COL6A3: variants seen among roughly 807,000 people sequenced by gnomAD.
COL6A3 encodes collagen alpha-3(VI) chain.
COL6A3 carries 137 observed loss-of-function variants against 274.1 expected under a neutral mutation model. That is an observed-to-expected ratio of 0.50 (90% CI 0.44 to 0.58). The LOEUF is 0.58. COL6A3 is among the 20% of genes least tolerant of loss of function. The probability of loss-of-function intolerance (pLI) is 0.00; values close to 1 mark genes in which losing one functional copy is unlikely to be tolerated. For missense variants in COL6A3, 3,950 were observed against 4,124.9 expected (o/e 0.96, Z 1.16); for synonymous variants, 1,650 against 1,650.6 (o/e 1.00, Z 0.01).
At chr2:237,387,475 T>C (rs1574738696) in intron 4 of COL6A3, 107 bp downstream of exon 4, 1 of 1,544,360 alleles carries the variant, frequency 6.5e-7, no homozygotes, top group Non-Finnish European at 8.9e-7. Context: ...CTGTGGGTAC[T>C]TACAGCTTCT....
At chr2:237,356,532 G>A (rs1324571578) in intron 23 of COL6A3, among the ~76,000 whole-genome samples, 7 of 152,056 alleles carry the variant, frequency 4.6e-5, no homozygotes, top group African/African-American at 7.2e-5. Context: ...CCCAAGTGCC[G>A]GGCCGAACGA....
intron 8 of COL6A3, among the ~76,000 whole-genome samples, chr2:237,372,776 T>C (rs2077726781): frequency 6.6e-6 from 1 of 152,020 alleles, no homozygotes; most frequent in Non-Finnish European, 1.5e-5. Flanking sequence ...CTTTAGAGTA[T>C]AGATAAGTCT....
At chr2:237,341,254 A>G in intron 37 of COL6A3, 104 bp from the exon 38 acceptor site, 2 of 1,208,876 alleles carry the variant, frequency 1.7e-6, no homozygotes, top group Non-Finnish European at 2.4e-6. Flanking sequence ...ATCACATAAG[A>G]TCAAAAGCGG....
intron 8 of COL6A3, among the ~76,000 whole-genome samples, chr2:237,373,011 G>T (rs770989722): frequency 9.2e-5 from 14 of 152,156 alleles, no homozygotes; most frequent in Non-Finnish European, 1.6e-4. Context: ...TGACGTGGCC[G>T]GGGACAGCTC....
rs1411767136 is a variant in COL6A3, at chr2:237,344,546, A to G, written c.7472T>C (p.Met2491Thr). The G allele has an allele frequency of 1.2e-6, 2 of 1,614,012 alleles. No individual in the cohort carries two copies. ...AAATGTGTTCCTGGCCACAAACGAC[A>G]TGGCAGTCTCCAGACTCTGCTGTTT... ...TSKQQSLETA[M>T]SFVARNTFKR... Residue 2491 changes from methionine (M) to threonine (T), a missense_variant, in exon 36 of 44, where the codon ATG becomes ACG. This residue lies in a region of COL6A3 where 1,284 missense variants were observed against 1,349.7 expected (regional missense o/e 0.95). Coordinates refer to ENST00000295550, the MANE Select transcript of COL6A3 (RefSeq NM_004369.4). This position sits in a 1 kb window ranked among gnomAD's most constrained non-coding sequence, Gnocchi z 4.8.
chr2:237,351,277 G>A (rs2077201304), intron 26 of COL6A3, 85 bp from the exon 27 acceptor site: 1 of 1,316,170 alleles, frequency 7.6e-7, no homozygotes, highest in South Asian at 1.2e-5. Flanking sequence ...TCCCCTGCAT[G>A]GAAGTCAGAG....
intron 3 of COL6A3, among the ~76,000 whole-genome samples, chr2:237,391,021 C>CG (rs2106382698): frequency 6.6e-6 from 1 of 152,196 alleles, no homozygotes; most frequent in African/African-American, 2.4e-5. Flanking sequence ...GTTTTATAAT[C>CG]AAGAACACTC....
intron 3 of COL6A3, among the ~76,000 whole-genome samples, chr2:237,392,126 G>T (rs1177879435): frequency 6.6e-6 from 1 of 152,196 alleles, no homozygotes; most frequent in African/African-American, 2.4e-5. Flanking sequence ...CCACAGGTAA[G>T]GGCATCAGCA....
At chr2:237,383,859 G>C (rs2078074709) in intron 4 of COL6A3, among the ~76,000 whole-genome samples, 1 of 152,118 alleles carries the variant, frequency 6.6e-6, no homozygotes, top group African/African-American at 2.4e-5. Context: ...ATACCTTCTA[G>C]ATCTAATGAA....
intron 4 of COL6A3, among the ~76,000 whole-genome samples, chr2:237,383,180 T>C (rs2078053936): frequency 6.6e-6 from 1 of 152,212 alleles, no homozygotes; most frequent in African/African-American, 2.4e-5. Context: ...TGAGAATCGC[T>C]GATACATGCC....
Position 237,395,168 on chromosome 2 carries a change from A to G in COL6A3, c.128T>C (p.Leu43Pro), listed in dbSNP as rs2106388857. ...KNGAAADIIF[L>P]VDSSWTIGEE... is the part of the protein sequence containing the mutation. ...TCCAATGGTCCAAGAGGAATCCACT[A>G]GAAATATTATATCAGCAGCCGCACC... is the stretch of plus-strand genomic sequence containing the variant. The change falls in exon 3 of 44, where the codon CTA becomes CCA. Residue 43 changes from leucine to proline, a missense_variant. Physicochemically the swap from Leu to Pro is moderately conservative, Grantham distance 98. Coordinates refer to ENST00000295550, the MANE Select transcript of COL6A3 (RefSeq NM_004369.4). The G allele has an allele frequency of 6.2e-7, 1 of 1,613,770 alleles. No individual in the cohort carries two copies. Among genetic ancestry groups the G allele is most frequent in the African/African-American group, 1.3e-5 (1 of 75,074 alleles).
chr2:237,325,498 G>A (rs1050148971), intron 43 of COL6A3, 62 bp downstream of exon 43: 1 of 1,550,540 alleles, frequency 6.4e-7, no homozygotes, highest in African/African-American at 1.4e-5. Flanking sequence ...ATTTTTCAAG[G>A]TGACTTATTG....
intron 1 of COL6A3, among the ~76,000 whole-genome samples, chr2:237,410,178 C>T (rs2078819625): frequency 6.6e-6 from 1 of 152,070 alleles, no homozygotes; most frequent in Admixed American, 6.6e-5. Flanking sequence ...TGGGAGACTC[C>T]AGGCACCACT....
At chr2:237,353,525 C>T (rs534200763) in intron 24 of COL6A3, 122 bp from the exon 25 acceptor site, 6 of 795,960 alleles carry the variant, frequency 7.5e-6, no homozygotes, top group Non-Finnish European at 1.3e-5. Context: ...TCAGCTCTTC[C>T]AGAGGTAACA....
At chr2:237,404,682 T>C (rs2078678671) in intron 1 of COL6A3, among the ~76,000 whole-genome samples, 1 of 152,174 alleles carries the variant, frequency 6.6e-6, no homozygotes, top group African/African-American at 2.4e-5. Context: ...ATGGTTTTCT[T>C]AATCATTCCC....
chr2:237,384,573 C>A (rs1009273329), intron 4 of COL6A3, among the ~76,000 whole-genome samples: 1 of 152,244 alleles, frequency 6.6e-6, no homozygotes, highest in East Asian at 1.9e-4. Context: ...GCATGCCACG[C>A]TCGGAACTCC....
chr2:237,411,684 T>C (rs1453710678), intron 1 of COL6A3, among the ~76,000 whole-genome samples: 2 of 152,212 alleles, frequency 1.3e-5, no homozygotes, highest in Admixed American at 1.3e-4. Flanking sequence ...ATAAAGTCAG[T>C]GCAATTTGCT....
intron 1 of COL6A3, among the ~76,000 whole-genome samples, chr2:237,402,423 T>C (rs1260497384): frequency 6.6e-6 from 1 of 152,172 alleles, no homozygotes; most frequent in South Asian, 2.1e-4. Context: ...ACAGGAAATA[T>C]CATTTGCCAG....
intron 43 of COL6A3, among the ~76,000 whole-genome samples, chr2:237,325,047 T>C (rs1699868270): frequency 6.6e-6 from 1 of 152,160 alleles, no homozygotes; most frequent in Admixed American, 6.5e-5. Flanking sequence ...CCCATTCTTT[T>C]GCCCTGCACC....
Sources: gnomAD v4.1 joint callset for allele counts (sites outside exome capture counted in the v4.1 genomes callset) on GRCh38, gnomAD v4.1.1 for gene constraint, gnomAD v4.1.1 regional missense constraint, Gnocchi (gnomAD v3.1) non-coding constraint, MANE v1.5 for transcripts, NCBI Gene and HGNC (gene_info 2026-07-23, HGNC 2026-07-21) for gene names.